The following PDE8A variants were observed in gnomAD, a reference collection of about 807,000 sequenced individuals.
PDE8A encodes the protein phosphodiesterase 8A, also known as high affinity cAMP-specific and IBMX-insensitive 3',5'-cyclic phosphodiesterase 8A.
In PDE8A, 59 loss-of-function variants were observed where a neutral mutation model predicts 105.0. That is an observed-to-expected ratio of 0.56 (90% CI 0.46 to 0.70). The LOEUF (loss-of-function observed/expected upper bound fraction) is 0.70, where lower values mean the gene tolerates loss of function less well. Among genes scored for constraint, PDE8A ranks in the 30% least tolerant of loss-of-function variants. PDE8A has a pLI of 0.00. For missense variants in PDE8A, 1,014 were observed against 1,045.9 expected (o/e 0.97, Z 0.42); for synonymous variants, 355 against 371.9 (o/e 0.95, Z 0.52).
intron 11 of PDE8A, among the ~76,000 whole-genome samples, chr15:85,101,695 G>A (rs994430049): frequency 2.0e-5 from 3 of 152,184 alleles, no homozygotes; most frequent in Admixed American, 2.0e-4. Flanking sequence ...TGCCATGGTC[G>A]AGAGGAAAGA....
chr15:84,990,781 G>A (rs1340675578), intron 1 of PDE8A, among the ~76,000 whole-genome samples: 1 of 152,240 alleles, frequency 6.6e-6, no homozygotes, highest in Non-Finnish European at 1.5e-5. Context: ...ATAGGTATAT[G>A]TGTAGCTTTT....
chr15:85,123,941 C>G (rs1041474747), intron 19 of PDE8A, among the ~76,000 whole-genome samples: 2 of 152,200 alleles, frequency 1.3e-5, no homozygotes, highest in Non-Finnish European at 2.9e-5. Context: ...TAATATCCCC[C>G]TCCCTTCTTC....
chr15:85,014,510 A>T (rs117111799), intron 1 of PDE8A, among the ~76,000 whole-genome samples: 1,959 of 152,300 alleles, frequency 0.013, 18 homozygotes, highest in Non-Finnish European at 0.02. Flanking sequence ...CAGTTTTCAG[A>T]ATAATGGTTT....
At chr15:85,022,539 AATT>A (rs1415973045) in intron 1 of PDE8A, among the ~76,000 whole-genome samples, 3 of 80,920 alleles carry the variant, frequency 3.7e-5, no homozygotes, top group African/African-American at 1.2e-4. Context: ...ATATATGCAA[AATT>A]TTTTTTTTTT....
At chr15:85,029,019 C>T (rs533278278) in intron 1 of PDE8A, among the ~76,000 whole-genome samples, 6 of 152,192 alleles carry the variant, frequency 3.9e-5, no homozygotes, top group Non-Finnish European at 7.4e-5. Context: ...AAGAAATGTT[C>T]GTCAAGCTGA....
chr15:85,136,486 A>T (rs774273638), intron 20 of PDE8A, 48 bp from the exon 21 acceptor site: 2 of 1,583,454 alleles, frequency 1.3e-6, no homozygotes, highest in African/African-American at 2.7e-5. Flanking sequence ...CCCTAGGTGG[A>T]GTGGAACCAG....
intron 1 of PDE8A, among the ~76,000 whole-genome samples, chr15:84,996,779 T>G (rs1274756726): frequency 8.4e-6 from 1 of 119,330 alleles, no homozygotes; most frequent in African/African-American, 3.2e-5. Flanking sequence ...TGAGCCGAGA[T>G]CGCACCACTG....
chr15:85,065,492 A>AAG (rs2081209634), intron 2 of PDE8A, among the ~76,000 whole-genome samples: 1 of 151,940 alleles, frequency 6.6e-6, no homozygotes, highest in African/African-American at 2.4e-5. Flanking sequence ...TTAAAAAAAA[A>AAG]AAAAAGAAAA....
chr15:85,017,846 C>T (rs992785238), intron 1 of PDE8A, among the ~76,000 whole-genome samples: 15 of 128,876 alleles, frequency 1.2e-4, no homozygotes, highest in Non-Finnish European at 2.4e-4. Context: ...GAGATCGCGC[C>T]ATTGCACTCC....
intron 20 of PDE8A, among the ~76,000 whole-genome samples, chr15:85,128,350 A>T (rs957939550): frequency 1.6e-4 from 25 of 152,138 alleles, no homozygotes; most frequent in African/African-American, 4.1e-4. Flanking sequence ...AGAAAAAAAA[A>T]TTTTTTTAAT....
chr15:85,090,473 T>C (rs543770481), intron 7 of PDE8A, among the ~76,000 whole-genome samples: 1 of 152,344 alleles, frequency 6.6e-6, no homozygotes, highest in East Asian at 1.9e-4. Flanking sequence ...ATCTGAAACT[T>C]AACCATAAAG....
intron 8 of PDE8A, among the ~76,000 whole-genome samples, chr15:85,093,710 G>A (rs1002343098): frequency 2.0e-5 from 3 of 152,210 alleles, no homozygotes; most frequent in South Asian, 2.1e-4. Flanking sequence ...TCCAGCCCCC[G>A]CACTTAGGCT....
intron 3 of PDE8A, among the ~76,000 whole-genome samples, chr15:85,071,651 T>G (rs958796442): frequency 6.6e-6 from 1 of 152,176 alleles, no homozygotes; most frequent in African/African-American, 2.4e-5. Flanking sequence ...CTGTGCTTGT[T>G]GATGTGATCT....
intron 18 of PDE8A, among the ~76,000 whole-genome samples, chr15:85,122,615 C>T (rs1489861686): frequency 3.3e-5 from 5 of 152,132 alleles, no homozygotes; most frequent in Non-Finnish European, 7.3e-5. Flanking sequence ...ACATGGATTA[C>T]CCCTTCAAGA....
intron 6 of PDE8A, among the ~76,000 whole-genome samples, chr15:85,087,094 A>G (rs531165164): frequency 1.0e-4 from 15 of 143,974 alleles, no homozygotes; most frequent in African/African-American, 3.6e-4. Context: ...TTTACATATT[A>G]TCTCCTGGTT....
At chr15:85,104,960 A>G (rs1040568830) in intron 11 of PDE8A, among the ~76,000 whole-genome samples, 6 of 152,068 alleles carry the variant, frequency 3.9e-5, no homozygotes, top group African/African-American at 7.2e-5. Flanking sequence ...ATATGTTTCT[A>G]TCTGGGGGTG....
At chr15:85,038,279 G>A (rs548140944) in intron 1 of PDE8A, among the ~76,000 whole-genome samples, 8 of 151,400 alleles carry the variant, frequency 5.3e-5, no homozygotes, top group East Asian at 3.9e-4. Flanking sequence ...GGCATTCTTC[G>A]TATATTGTGG....
Position 85,058,738 on chromosome 15 carries a change from G to A in PDE8A, c.187-5632G>A, listed in dbSNP as rs981025674. On this transcript the variant is annotated intron_variant, in intron 1 of 21. Transcript: ENST00000394553. ...GAATCCTTTTTATTGCTGTAGAATT[G>A]GTAGCAATGTCCCTACTTTCATTTC... Among the ~76,000 whole-genome samples the A allele has an allele frequency of 4.6e-4, 70 of 152,056 alleles. 1 individual carries two copies. Among genetic ancestry groups the A allele is most frequent in the Non-Finnish European group, 1.6e-4 (11 of 68,012 alleles).
At position 84,981,998 on chromosome 15, in the gene PDE8A, C is replaced by A; in HGVS notation, c.-165C>A. On this transcript the variant is annotated 5_prime_UTR_variant, in exon 1 of 22. Transcript: ENST00000394553. ...GCCGCCGCCGCCGCAGCGCCCGCAC[C>A]GCGATAAAAGGGGCGGCCGCGTTTC... 1 of 330,174 alleles carries A rather than the reference C, an allele frequency of 3.0e-6. No homozygotes were observed. The allele number at this position is 330,174 out of a possible 1,614,324, so 20.5% of individuals were successfully genotyped here. A position where few individuals can be genotyped will look rare whatever the true frequency, so the allele number is the denominator to read the frequency against.
Sources: allele counts gnomAD v4.1 joint callset (sites outside exome capture counted in the v4.1 genomes callset), GRCh38; gene constraint gnomAD v4.1.1; transcripts MANE v1.5; gene names NCBI Gene and HGNC (gene_info 2026-07-23, HGNC 2026-07-21).